Variants in CEP85 observed in about 807,000 individuals in gnomAD.
The protein encoded by CEP85 is centrosomal protein of 85 kDa.
CEP85 carries 58 observed loss-of-function variants against 93.7 expected under a neutral mutation model. The ratio of observed to expected loss-of-function variants is 0.62; its 90% CI spans 0.50 to 0.77. The LOEUF (loss-of-function observed/expected upper bound fraction) is 0.77. Among genes scored for constraint, CEP85 ranks in the 30% least tolerant of loss-of-function variants. CEP85 has a pLI of 0.00. For missense variants in CEP85, 868 were observed against 922.0 expected (o/e 0.94, Z 0.76); for synonymous variants, 314 against 338.6 (o/e 0.93, Z 0.80).
rs3820519 is a variant in CEP85, at chr1:26,277,502, A to C, written c.*209A>C. ...TACGTTTGTCCTGTTAATTCACTCT[A>C]GACGGTGAGTTACTAATTAACTTTT... is the stretch of plus-strand genomic sequence containing the variant. On this transcript the variant is annotated 3_prime_UTR_variant, in exon 14 of 14. Coordinates refer to ENST00000451429, the MANE Select transcript of CEP85 (RefSeq NM_001319944.2). 0.86 allele frequency: 436,722 copies of C among 506,416 alleles called. 193,495 individuals carry two copies. The highest frequency in any genetic ancestry group is 0.93 in the Non-Finnish European group (258,568 of 276,856). 31.4% of individuals were successfully genotyped at this position (506,416 alleles called of 1,614,324 possible). A position where few individuals can be genotyped will look rare whatever the true frequency, so the allele number is the denominator to read the frequency against.
chr1:26,261,122 A>T (rs1353634814), intron 7 of CEP85, among the ~76,000 whole-genome samples: 1 of 151,722 alleles, frequency 6.6e-6, no homozygotes, highest in African/African-American at 2.4e-5. Context: ...CTCCCAGGTG[A>T]TGCTGATGTT....
intron 4 of CEP85, among the ~76,000 whole-genome samples, chr1:26,256,382 T>C (rs2089701451): frequency 6.6e-6 from 1 of 151,770 alleles, no homozygotes; most frequent in Admixed American, 6.6e-5. Context: ...AATATAAAAA[T>C]TAGCCAGGTG....
chr1:26,275,849 A>G (rs1019174865), intron 12 of CEP85, among the ~76,000 whole-genome samples: 15 of 152,186 alleles, frequency 9.9e-5, no homozygotes, highest in African/African-American at 3.4e-4. Context: ...TAAAAATACA[A>G]TCAAGGTAGG....
At chr1:26,259,586 A>ATT (rs770885306) in intron 6 of CEP85, 31 bp from the exon 7 acceptor site, 17 of 1,574,978 alleles carry the variant, frequency 1.1e-5, no homozygotes, top group Admixed American at 5.5e-5. Flanking sequence ...AAGGGTAGAG[A>ATT]ACAGTTACAT....
chr1:26,256,188 A>C (rs2089697540), intron 4 of CEP85, among the ~76,000 whole-genome samples: 1 of 152,204 alleles, frequency 6.6e-6, no homozygotes, highest in South Asian at 2.1e-4. Context: ...GTAGAAACTT[A>C]CCAGGTTCTT....
At position 26,277,356 on chromosome 1, in the gene CEP85, C is replaced by T. The variant is rs2090068874; in HGVS notation, c.*63C>T. 3.3e-6 allele frequency: 5 copies of T among 1,504,324 alleles called. No individual in the cohort carries two copies. Among genetic ancestry groups the T allele is most frequent in the Non-Finnish European group, 4.6e-6 (5 of 1,090,962 alleles). The allele number at this position is 1,504,324 out of a possible 1,614,324, so 93.2% of individuals were successfully genotyped here. The stretch of plus-strand genomic sequence containing the variant: ...GCTGAGAGCCTAGTCCAGCAGGTTT[C>T]TGCCCTGACATTCTCTTGTCTGCTA... On this transcript the variant is annotated 3_prime_UTR_variant, in exon 14 of 14. Transcript: ENST00000451429.
chr1:26,250,288 C>T (rs1202542491), intron 3 of CEP85, among the ~76,000 whole-genome samples: 1 of 152,178 alleles, frequency 6.6e-6, no homozygotes, highest in African/African-American at 2.4e-5. Context: ...CGCCTTCTGT[C>T]AGATCAGTGG....
intron 3 of CEP85, among the ~76,000 whole-genome samples, chr1:26,246,493 G>T (rs1046707345): frequency 6.6e-6 from 1 of 152,106 alleles, no homozygotes; most frequent in East Asian, 1.9e-4. Flanking sequence ...TAGCGCTTTG[G>T]GAGGCCAAGG....
chr1:26,247,720 C>T (rs2089532858), intron 3 of CEP85, among the ~76,000 whole-genome samples: 1 of 152,138 alleles, frequency 6.6e-6, no homozygotes, highest in African/African-American at 2.4e-5. Context: ...AAGCTCATTG[C>T]AGCCTTGAAC....
At chr1:26,272,247 G>T in intron 11 of CEP85, 176 bp downstream of exon 11, 1 of 647,730 alleles carries the variant, frequency 1.5e-6, no homozygotes. Flanking sequence ...ATAGTAGGGA[G>T]TTTCAGCACA....
rs573449499 is a variant in CEP85, at chr1:26,248,722, C to CTTTTTTTTTTTTTTTTTTTT, written c.208+4407_208+4426dup. ...TGTTGGCCAGTCTGGGTCTTGAACT[C>CTTTTTTTTTTTTTTTTTTTT]TTTTTTTTTTTTTTTTTTTTTTGAG... On this transcript the variant is annotated intron_variant, in intron 3 of 13. Transcript: ENST00000451429. Among the ~76,000 whole-genome samples, 45 of 56,212 alleles carry CTTTTTTTTTTTTTTTTTTTT rather than the reference C, an allele frequency of 8.0e-4. 13 individuals are homozygous for CTTTTTTTTTTTTTTTTTTTT. The highest frequency in any genetic ancestry group is 1.6e-3 in the South Asian group (2 of 1,218). The allele number at this position is 56,212 out of a possible 152,430, so 36.9% of individuals were successfully genotyped here.
chr1:26,271,123 C>T lies in CEP85; in HGVS notation c.1743+16C>T. 2 of 1,506,280 alleles carry T rather than the reference C, an allele frequency of 1.3e-6. No individual in the cohort carries two copies. The highest frequency in any genetic ancestry group is 1.8e-6 in the Non-Finnish European group (2 of 1,081,796). 93.3% of individuals were successfully genotyped at this position (1,506,280 alleles called of 1,614,324 possible). A position where few individuals can be genotyped will look rare whatever the true frequency, so the allele number is the denominator to read the frequency against. Reference sequence around the variant, plus strand: ...GCTCCAAAAGGTGACTGAGGGTGTCCAGGCTGTAACGGAGGGTAGGCTGGG... The same window carrying T: ...GCTCCAAAAGGTGACTGAGGGTGTCTAGGCTGTAACGGAGGGTAGGCTGGG... On this transcript the variant is annotated intron_variant, in intron 10 of 13. Transcript: ENST00000451429.
At chr1:26,273,932 A>ATAAAATATAT (rs1553161624) in intron 11 of CEP85, among the ~76,000 whole-genome samples, 1 of 145,780 alleles carries the variant, frequency 6.9e-6, no homozygotes, top group African/African-American at 2.5e-5. Context: ...AAATAAATAA[A>ATAAAATATAT]ATATATATAT....
At chr1:26,261,427 G>T (rs12116908) in intron 7 of CEP85, among the ~76,000 whole-genome samples, 1 of 151,738 alleles carries the variant, frequency 6.6e-6, no homozygotes, top group African/African-American at 2.4e-5. Flanking sequence ...AGGCAAGATC[G>T]CTCCATTGCA....
At chr1:26,275,528 T>C (rs1237991071) in intron 12 of CEP85, among the ~76,000 whole-genome samples, 21 of 152,236 alleles carry the variant, frequency 1.4e-4, no homozygotes, top group African/African-American at 5.1e-4. Context: ...ATCCGCCCAC[T>C]TTGGCCTCCC....
intron 2 of CEP85, among the ~76,000 whole-genome samples, chr1:26,242,254 A>G (rs1488554782): frequency 6.6e-6 from 1 of 152,184 alleles, no homozygotes; most frequent in Non-Finnish European, 1.5e-5. Context: ...GAAGATGGTA[A>G]TAGAGGCCCT....
At chr1:26,251,581 T>C (rs1462471826) in intron 3 of CEP85, among the ~76,000 whole-genome samples, 3 of 152,126 alleles carry the variant, frequency 2.0e-5, no homozygotes, top group African/African-American at 7.2e-5. Flanking sequence ...ACCCACTGCT[T>C]TGAGAACTAA....
Position 26,244,269 on chromosome 1 carries a change from C to A in CEP85, c.159C>A (p.Ala53=), listed in dbSNP as rs115133994. ...GCTTCAGCCGCTGTTCAAGTGTAGC[C>A]GACAGTGGGGACACAGCCATTGGTA... is the stretch of plus-strand genomic sequence containing the variant. ...RSRFSRCSSV[A]DSGDTAIGTS... The change falls in exon 3 of 14, where the codon GCC becomes GCA. Residue 53 remains alanine, a synonymous_variant. Transcript: ENST00000451429. 535 of 1,613,762 alleles carry A rather than the reference C, an allele frequency of 3.3e-4. 2 individuals are homozygous for A. In the African/African-American group the frequency reaches 5.5e-3, roughly 16 times the overall value.
At chr1:26,236,284 GCA>G (rs1260096686) in intron 1 of CEP85, among the ~76,000 whole-genome samples, 3 of 152,206 alleles carry the variant, frequency 2.0e-5, no homozygotes, top group Admixed American at 2.0e-4. Flanking sequence ...AAAGTGTTGA[GCA>G]CAGTGTTTGA....
Sources: gnomAD v4.1 joint callset for allele counts (sites outside exome capture counted in the v4.1 genomes callset) on GRCh38, gnomAD v4.1.1 for gene constraint, MANE v1.5 for transcripts, NCBI Gene and HGNC (gene_info 2026-07-23, HGNC 2026-07-21) for gene names.